Variants in KRT8 observed in about 807,000 individuals in gnomAD.
KRT8 encodes the protein keratin, type II cytoskeletal 8.
A neutral mutation model predicts 43.0 loss-of-function variants in KRT8; 24 were observed. The ratio of observed to expected loss-of-function variants is 0.56; its 90% CI spans 0.40 to 0.78. The LOEUF is 0.78. Ranked by LOEUF, KRT8 falls within the 30% of genes least tolerant of loss-of-function variation. The pLI, the probability that KRT8 is intolerant of heterozygous loss-of-function variation, is 0.00. For synonymous variants in KRT8, 214 were observed against 261.2 expected (o/e 0.82, Z 1.74); for missense variants, 492 against 638.4 (o/e 0.77, Z 2.47).
chr12:52,926,345 C>A (rs1177835531), intron 2 of KRT8: 12 of 902,248 alleles, frequency 1.3e-5, no homozygotes, highest in Non-Finnish European at 1.9e-5. Flanking sequence ...CTCCCCACCC[C>A]ACCCCCAGGA....
upstream of KRT8, chr12:52,907,003 C>T (rs756655414): frequency 5.2e-5 from 16 of 308,532 alleles, no homozygotes; most frequent in Admixed American, 8.5e-5. Context: ...CACACACACA[C>T]ACACACACAC....
chr12:52,939,177 T>C (rs1049128567), intron 2 of KRT8, among the ~76,000 whole-genome samples: 2 of 152,136 alleles, frequency 1.3e-5, no homozygotes, highest in African/African-American at 4.8e-5. Context: ...ACTGGGGGCA[T>C]GCAAAATGGT....
chr12:52,901,811 G>T, intron 2 of KRT8, 53 bp downstream of exon 2: 1 of 1,253,026 alleles, frequency 8.0e-7, no homozygotes, highest in Non-Finnish European at 1.2e-6. Context: ...AGGTCCCAAG[G>T]GGTGGAGGAG....
chr12:52,945,020 C>G (rs11609512), intron 2 of KRT8, among the ~76,000 whole-genome samples: 39,555 of 152,130 alleles, frequency 0.26, 5,963 homozygotes, highest in Middle Eastern at 0.37. Context: ...TGATGACCCC[C>G]ACTGACCTCT....
rs1022747314 is a variant in KRT8 at position 52,941,454 on chromosome 12, G to A, written c.-47+8002C>T. ...CTGCGAAATCTTACCCTTAGCCCCC[G>A]GGCTCCTCTAGCAAGTTTTTGCTCT... On this transcript the variant is annotated intron_variant, in intron 2 of 6. Transcript: ENST00000546826. 2.2e-4 allele frequency among the ~76,000 whole-genome samples: 32 copies of A among 148,750 alleles called. 1 individual carries two copies. Among genetic ancestry groups the A allele is most frequent in the South Asian group, 4.3e-4 (2 of 4,632 alleles).
At chr12:52,937,089 G>A (rs1942179792) in intron 2 of KRT8, among the ~76,000 whole-genome samples, 1 of 152,182 alleles carries the variant, frequency 6.6e-6, no homozygotes. Context: ...AAGAGATACA[G>A]GCCGGGCATG....
intron 2 of KRT8, among the ~76,000 whole-genome samples, chr12:52,936,558 G>A (rs1188701184): frequency 1.3e-5 from 2 of 152,116 alleles, no homozygotes; most frequent in African/African-American, 4.8e-5. Context: ...TGTTGCCCAG[G>A]CTGGAGTGCA....
At chr12:52,945,793 T>C (rs1371483251) in intron 2 of KRT8, among the ~76,000 whole-genome samples, 2 of 152,132 alleles carry the variant, frequency 1.3e-5, no homozygotes, top group Non-Finnish European at 2.9e-5. Context: ...GTGTCTGTTC[T>C]GGGAGCTTCT....
At chr12:52,922,442 G>A (rs1170482216) in intron 2 of KRT8, among the ~76,000 whole-genome samples, 1 of 152,204 alleles carries the variant, frequency 6.6e-6, no homozygotes, top group Admixed American at 6.5e-5. Flanking sequence ...GGAGGCTGAG[G>A]TGGGTGGATT....
upstream of KRT8, among the ~76,000 whole-genome samples, chr12:52,911,351 C>A (rs1252432153): frequency 2.0e-5 from 3 of 147,414 alleles, no homozygotes; most frequent in Non-Finnish European, 3.0e-5. Context: ...GACTCCGTCT[C>A]AAAAAAAAAA....
chr12:52,928,118 G>A (rs1205152857), intron 2 of KRT8, among the ~76,000 whole-genome samples: 1 of 152,184 alleles, frequency 6.6e-6, no homozygotes, highest in Non-Finnish European at 1.5e-5. Context: ...AAGAAGGCAT[G>A]GAGAACTGAG....
At chr12:52,897,755 T>A in intron 7 of KRT8, 137 bp from the exon 8 acceptor site, 1 of 1,184,924 alleles carries the variant, frequency 8.4e-7, no homozygotes, top group Admixed American at 1.8e-5. Context: ...AGTGATTGCA[T>A]GGTTCACTAC....
intron 2 of KRT8, among the ~76,000 whole-genome samples, chr12:52,915,613 G>A (rs1941723485): frequency 6.6e-6 from 1 of 151,856 alleles, no homozygotes; most frequent in African/African-American, 2.4e-5. Context: ...GGGAGGCTGA[G>A]ACAGGAGAAT....
intron 2 of KRT8, among the ~76,000 whole-genome samples, chr12:52,930,313 GT>G (rs1469707379): frequency 3.3e-5 from 5 of 151,904 alleles, no homozygotes; most frequent in Non-Finnish European, 7.4e-5. Flanking sequence ...TGCCTCCCAG[GT>G]TCAAGCGATT....
At chr12:52,946,177 G>A (rs1367837782) in intron 2 of KRT8, among the ~76,000 whole-genome samples, 2 of 152,156 alleles carry the variant, frequency 1.3e-5, no homozygotes, top group Non-Finnish European at 2.9e-5. Flanking sequence ...AGTTGGGGTG[G>A]GGCAGGAATC....
intron 2 of KRT8, among the ~76,000 whole-genome samples, chr12:52,917,209 G>A (rs1184819410): frequency 2.0e-5 from 3 of 151,986 alleles, no homozygotes; most frequent in African/African-American, 7.3e-5. Context: ...GACCAACATG[G>A]TGAAATCCAG....
At chr12:52,942,575 C>T (rs2120736417) in intron 2 of KRT8, among the ~76,000 whole-genome samples, 1 of 152,268 alleles carries the variant, frequency 6.6e-6, no homozygotes, top group Non-Finnish European at 1.5e-5. Flanking sequence ...CAGTCCCGGG[C>T]TTCCTCCTTT....
intron 2 of KRT8, among the ~76,000 whole-genome samples, chr12:52,936,270 T>A (rs1942168814): frequency 2.0e-5 from 3 of 151,304 alleles, no homozygotes; most frequent in Non-Finnish European, 3.0e-5. Context: ...AAAAAAAAAA[T>A]TCTAAATAAA....
intron 2 of KRT8, among the ~76,000 whole-genome samples, chr12:52,929,238 T>A (rs148396250): frequency 7.0e-4 from 102 of 146,384 alleles, no homozygotes; most frequent in African/African-American, 2.5e-3. Flanking sequence ...CAGGCTAGAG[T>A]GCAGCGGTAT....
Sources: allele counts gnomAD v4.1 joint callset (sites outside exome capture counted in the v4.1 genomes callset), GRCh38; gene constraint gnomAD v4.1.1; transcripts MANE v1.5; gene names NCBI Gene and HGNC (gene_info 2026-07-23, HGNC 2026-07-21).